Variants in PRRC2C observed in about 807,000 individuals in gnomAD.
The protein encoded by PRRC2C is proline rich coiled-coil 2C.
PRRC2C carries 72 observed loss-of-function variants against 317.2 expected under a neutral mutation model. The ratio of observed to expected loss-of-function variants is 0.23; its 90% confidence interval spans 0.19 to 0.28. PRRC2C has a LOEUF of 0.28. Among genes scored for constraint, PRRC2C ranks in the 10% least tolerant of loss-of-function variants. The probability of loss-of-function intolerance (pLI) is 1.00; values close to 1 mark genes in which losing one functional copy is unlikely to be tolerated. For missense variants in PRRC2C, 3,074 were observed against 3,459.7 expected (o/e 0.89, Z 2.80); for synonymous variants, 1,296 against 1,205.9 (o/e 1.07, Z -1.55).
chr1:171,523,204 G>T lies in PRRC2C; in HGVS notation c.834-17G>T. The T allele has an allele frequency of 1.3e-6, 2 of 1,588,496 alleles. No homozygotes were observed. The highest frequency in any genetic ancestry group is 1.1e-5 in the South Asian group (1 of 87,316). On this transcript the variant is annotated splice_polypyrimidine_tract_variant and intron_variant, in intron 7 of 34. Coordinates refer to ENST00000647382, the MANE Select transcript of PRRC2C (RefSeq NM_001387844.1). ...TCATAAACTTTTGTATCTTTTCCAT[G>T]ACCTGCCTTTCATTAGAGGCCTTCG...
At chr1:171,527,382 C>T (rs1674829715) in intron 10 of PRRC2C, among the ~76,000 whole-genome samples, 1 of 151,972 alleles carries the variant, frequency 6.6e-6, no homozygotes, top group Non-Finnish European at 1.5e-5. Flanking sequence ...ATCCGCCTGC[C>T]TCGGCCTCCC....
chr1:171,510,477 GTCC>G (rs1671149486), intron 1 of PRRC2C: 1 of 151,838 alleles, frequency 6.6e-6, no homozygotes, highest in Non-Finnish European at 1.5e-5. Context: ...AATATTTACT[GTCC>G]TCTTTTGTCA....
rs1029255195 is a variant in PRRC2C at position 171,593,506 on chromosome 1, T to A, written c.*1659T>A. On this transcript the variant is annotated 3_prime_UTR_variant, in exon 35 of 35. Coordinates refer to ENST00000647382, the MANE Select transcript of PRRC2C (RefSeq NM_001387844.1). The stretch of plus-strand genomic sequence containing the variant: ...AGAAACTAATAAAGTATTCTCTAAA[T>A]AATGATTCTTGGAGCTTATAATCAT... The A allele has an allele frequency of 6.6e-6, 1 of 152,120 alleles. No individual in the cohort carries two copies. The highest frequency in any genetic ancestry group is 2.4e-5 in the African/African-American group (1 of 41,434). 9.4% of individuals were successfully genotyped at this position (152,120 alleles called of 1,614,324 possible). A position where few individuals can be genotyped will look rare whatever the true frequency, so the allele number is the denominator to read the frequency against.
intron 1 of PRRC2C, among the ~76,000 whole-genome samples, chr1:171,495,124 C>G (rs1200062326): frequency 6.6e-6 from 1 of 152,152 alleles, no homozygotes; most frequent in Non-Finnish European, 1.5e-5. Context: ...GCATAATACT[C>G]TAAACATACT....
Position 171,540,239 on chromosome 1 carries a change from A to G in PRRC2C, c.2773A>G (p.Arg925Gly). Residue 925 changes from arginine to glycine, a missense_variant, in exon 16 of 35, where the codon AGA becomes GGA. By Grantham distance (125) the Arg-to-Gly change is moderately radical (BLOSUM62 -2). Around this residue, in one of 11 missense-constraint regions of PRRC2C, gnomAD observed 1,320 missense variants for 1,395.7 expected, o/e 0.95. Transcript: ENST00000647382. ...SAVESQPSRK[R>G]SVSHGSNHTQ... ...TGTAGAAAGTCAGCCTTCCCGGAAA[A>G]GAAGTGTTTCCCATGGATCTAACCA... The G allele has an allele frequency of 1.2e-6, 2 of 1,613,936 alleles. No homozygotes were observed. Among genetic ancestry groups the G allele is most frequent in the South Asian group, 2.2e-5 (2 of 91,076 alleles).
rs566891390 is a variant in PRRC2C at position 171,560,938 on chromosome 1, G to A, written c.6032-80G>A. ...GGCTAGTAATAGCTACACAGTAGGA[G>A]ATTAAGGAAAGGGTTAAATGGGTTA... On this transcript the variant is annotated intron_variant, in intron 19 of 34. Coordinates refer to ENST00000647382, the MANE Select transcript of PRRC2C (RefSeq NM_001387844.1). 4.2e-5 allele frequency: 47 copies of A among 1,119,102 alleles called. No individual in the cohort carries two copies. In the Admixed American group the frequency reaches 6.7e-4, roughly 16 times the overall value. 69.3% of individuals were successfully genotyped at this position (1,119,102 alleles called of 1,614,324 possible).
rs754205343 is a variant in PRRC2C, at chr1:171,515,780, G to A, written c.447G>A (p.Gln149=). 1 of 1,611,950 alleles carries A rather than the reference G, an allele frequency of 6.2e-7. No individual in the cohort carries two copies. Among genetic ancestry groups the A allele is most frequent in the Admixed American group, 1.7e-5 (1 of 59,792 alleles). ...SQFQQEFPSL[Q]AAGDQEKKEK... ...TTCAGCAAGAATTTCCCAGCCTGCA[G>A]GCAGCTGGGGATCAGGAAAAAAAAG... is the stretch of plus-strand genomic sequence containing the variant. The change falls in exon 5 of 35, where the codon CAG becomes CAA. Residue 149 remains glutamine (Q), a synonymous_variant. Coordinates refer to ENST00000647382, the MANE Select transcript of PRRC2C (RefSeq NM_001387844.1).
chr1:171,547,426 A>G (rs1187730474), intron 17 of PRRC2C, among the ~76,000 whole-genome samples: 1 of 152,152 alleles, frequency 6.6e-6, no homozygotes, highest in Non-Finnish European at 1.5e-5. Flanking sequence ...CTGAGATGAA[A>G]TTAGAATTAT....
chr1:171,517,012 G>GT (rs1456688578), intron 5 of PRRC2C, among the ~76,000 whole-genome samples: 1 of 152,234 alleles, frequency 6.6e-6, no homozygotes, highest in Non-Finnish European at 1.5e-5. Context: ...TACACTTAGT[G>GT]TAAATACCAG....
In PRRC2C at chr1:171,541,672, A is replaced by G. The variant is rs1677981769; in HGVS notation, c.4206A>G (p.Ile1402Met). 6.2e-7 allele frequency: 1 copy of G among 1,613,828 alleles called. No homozygotes were observed. The highest frequency in any genetic ancestry group is 1.3e-5 in the African/African-American group (1 of 74,944). The change falls in exon 16 of 35, where the codon ATA becomes ATG. Residue 1402 changes from isoleucine (I) to methionine (M), a missense_variant. Around this residue, in one of 11 missense-constraint regions of PRRC2C, gnomAD observed 1,320 missense variants for 1,395.7 expected, o/e 0.95. Coordinates refer to ENST00000647382, the MANE Select transcript of PRRC2C (RefSeq NM_001387844.1). This position sits in a 1 kb window ranked among gnomAD's most constrained non-coding sequence, Gnocchi z 4.1. ...PPRRHEQFIPIAADKRPPKFE... is the reference protein window; with the variant it reads ...PPRRHEQFIPMAADKRPPKFE... The stretch of plus-strand genomic sequence containing the variant: ...GAAGACATGAGCAGTTTATTCCTAT[A>G]GCAGCAGATAAACGACCTCCAAAAT...
chr1:171,512,591 G>A (rs71637416), intron 2 of PRRC2C: 1 of 237,164 alleles, frequency 4.2e-6, no homozygotes, highest in Middle Eastern at 1.7e-3. Flanking sequence ...GTGTGTGTTA[G>A]ATACTGTGAC....
At chr1:171,559,505 GTTTGTTTTTTTTTTTTTTTT>G (rs1682176366) in intron 19 of PRRC2C, among the ~76,000 whole-genome samples, 2 of 95,124 alleles carry the variant, frequency 2.1e-5, no homozygotes, top group East Asian at 3.1e-4. Flanking sequence ...GGCATACCAA[GTTTGTTTTTTTTTTTTTTTT>G]TTTTTTTTTT....
intron 29 of PRRC2C, 109 bp downstream of exon 29, chr1:171,584,296 C>A: frequency 7.4e-7 from 1 of 1,359,364 alleles, no homozygotes; most frequent in East Asian, 2.3e-5. Context: ...ATGAAAAAAA[C>A]AAAGTCCTTT....
At chr1:171,529,394 C>T (rs2102403064) in intron 11 of PRRC2C, among the ~76,000 whole-genome samples, 1 of 152,318 alleles carries the variant, frequency 6.6e-6, no homozygotes, top group Admixed American at 6.5e-5. Flanking sequence ...AACCATAACA[C>T]ACACCCCCAC....
At chr1:171,543,540 T>C (rs1470348956) in intron 16 of PRRC2C, among the ~76,000 whole-genome samples, 1 of 152,226 alleles carries the variant, frequency 6.6e-6, no homozygotes, top group Non-Finnish European at 1.5e-5. Flanking sequence ...TGTGATGCAC[T>C]TAATACCTGG....
intron 11 of PRRC2C, among the ~76,000 whole-genome samples, chr1:171,529,100 A>G (rs912195742): frequency 8.6e-5 from 13 of 151,966 alleles, no homozygotes; most frequent in Non-Finnish European, 1.6e-4. Flanking sequence ...TATCCTTAAA[A>G]CACTTTTTTA....
At chr1:171,524,713 T>A (rs541810297) in intron 9 of PRRC2C, 108 bp from the exon 10 acceptor site, 1 of 1,160,750 alleles carries the variant, frequency 8.6e-7, no homozygotes, top group Non-Finnish European at 1.2e-6. Context: ...CTTAATACAT[T>A]TCCCCCCCCA....
At chr1:171,576,445 A>G (rs1020938068) in intron 25 of PRRC2C, among the ~76,000 whole-genome samples, 1 of 152,244 alleles carries the variant, frequency 6.6e-6, no homozygotes, top group African/African-American at 2.4e-5. Flanking sequence ...CAGGTGGAAC[A>G]TCATCTGAAG....
intron 33 of PRRC2C, among the ~76,000 whole-genome samples, chr1:171,588,904 G>A (rs753111820): frequency 6.6e-6 from 1 of 152,098 alleles, no homozygotes; most frequent in African/African-American, 2.4e-5. Context: ...TTTAATATAT[G>A]TAAAAAATGT....
Sources: gnomAD v4.1 joint callset for allele counts (sites outside exome capture counted in the v4.1 genomes callset) on GRCh38, gnomAD v4.1.1 for gene constraint, gnomAD v4.1.1 regional missense constraint, Gnocchi (gnomAD v3.1) non-coding constraint, MANE v1.5 for transcripts, NCBI Gene and HGNC (gene_info 2026-07-23, HGNC 2026-07-21) for gene names.